Variants in SCNN1B observed in about 807,000 individuals in gnomAD.
SCNN1B encodes sodium channel epithelial 1 subunit beta.
Under a neutral mutation model 65.3 loss-of-function variants are expected in SCNN1B, and 46 were observed. The observed-to-expected ratio is 0.70, with a 90% CI of 0.56 to 0.90. The LOEUF is 0.90. Among genes scored for constraint, SCNN1B ranks in the 40% least tolerant of loss-of-function variants. The probability of loss-of-function intolerance (pLI) is 0.00; values close to 1 mark genes in which losing one functional copy is unlikely to be tolerated. For missense variants in SCNN1B, 751 were observed against 830.5 expected, an observed-to-expected ratio of 0.90 and a Z score of 1.18; for synonymous variants, 349 against 330.6, an observed-to-expected ratio of 1.06 and a Z score of -0.60.
intron 2 of SCNN1B, among the ~76,000 whole-genome samples, chr16:23,352,438 G>C (rs1383390854): frequency 1.3e-5 from 2 of 152,194 alleles, no homozygotes; most frequent in South Asian, 2.1e-4. Context: ...TGGGTGATTA[G>C]ATCATACGGG....
At chr16:23,301,359 CAA>C (rs369302758), upstream of SCNN1B, among the ~76,000 whole-genome samples, 1 of 120,414 alleles carries the variant, frequency 8.3e-6, no homozygotes, top group East Asian at 2.3e-4. Context: ...GAGACTCTGT[CAA>C]AAAAAAAAGA....
chr16:23,304,071 C>A (rs751212945), intron 1 of SCNN1B: 6 of 1,535,806 alleles, frequency 3.9e-6, no homozygotes, highest in Admixed American at 2.0e-5. Context: ...TAATGCCTAC[C>A]GATGGGAATT....
chr16:23,327,083 A>C (rs374191320), intron 1 of SCNN1B, among the ~76,000 whole-genome samples: 159 of 151,782 alleles, frequency 1.0e-3, no homozygotes, highest in African/African-American at 3.7e-3. Flanking sequence ...TGCTCAGCTA[A>C]CGTTTTTATT....
intron 4 of SCNN1B, among the ~76,000 whole-genome samples, chr16:23,360,585 G>C (rs1350521597): frequency 7.1e-6 from 1 of 140,654 alleles, no homozygotes; most frequent in Non-Finnish European, 1.5e-5. Context: ...GTTGGTGGTG[G>C]TGGTGGTTTT....
intron 6 of SCNN1B, 71 bp downstream of exon 6, chr16:23,371,533 C>A: frequency 6.7e-7 from 1 of 1,492,908 alleles, no homozygotes; most frequent in South Asian, 1.2e-5. Flanking sequence ...GGCCAACTGC[C>A]CTTGGCCTGG....
chr16:23,316,398 TC>T (rs1961464861), intron 1 of SCNN1B, among the ~76,000 whole-genome samples: 1 of 119,114 alleles, frequency 8.4e-6, no homozygotes, highest in African/African-American at 4.4e-5. Flanking sequence ...ATCACCATCA[TC>T]ATCATCACCA....
intron 1 of SCNN1B, among the ~76,000 whole-genome samples, chr16:23,341,576 A>G (rs1962055887): frequency 6.6e-6 from 1 of 152,236 alleles, no homozygotes; most frequent in African/African-American, 2.4e-5. Flanking sequence ...GGACTTGTGT[A>G]TAGAATATAT....
rs13306627 is a variant in SCNN1B at position 23,380,572 on chromosome 16, G to A, written c.1694G>A (p.Arg565Gln). The A allele has an allele frequency of 1.9e-4, 312 of 1,614,042 alleles. No individual in the cohort carries two copies. The highest frequency in any genetic ancestry group is 8.5e-4 in the East Asian group (38 of 44,892). ...GCCTTGGCCAAGAGCCTACGGCAGC[G>A]GCGAGCCCAAGCCAGCTACGCTGGC... is the stretch of plus-strand genomic sequence containing the variant. ...LVALAKSLRQ[R>Q]RAQASYAGPP... The change falls in exon 13 of 13, where the codon CGG becomes CAG. Residue 565 changes from arginine to glutamine, a missense_variant. Coordinates refer to ENST00000343070, the MANE Select transcript of SCNN1B (RefSeq NM_000336.3). This position sits in a 1 kb window ranked among gnomAD's most constrained non-coding sequence, Gnocchi z 5.4.
chr16:23,303,981 C>A, intron 1 of SCNN1B: 1 of 1,089,216 alleles, frequency 9.2e-7, no homozygotes, highest in Non-Finnish European at 1.4e-6. Flanking sequence ...AACTTGAGCC[C>A]TCTCATCACC....
Position 23,380,336 on chromosome 16 carries a change from A to G in SCNN1B, c.1543-85A>G. ...GGTCACCCCCTCCCGTTCCCACCCA[A>G]GAATCACCTCCCAGGAAGCTGTGAG... On this transcript the variant is annotated intron_variant, in intron 12 of 12. Transcript: ENST00000343070. This position sits in a 1 kb window ranked among gnomAD's most constrained non-coding sequence, Gnocchi z 5.4. 6.2e-7 allele frequency: 1 copy of G among 1,607,588 alleles called. No individual in the cohort carries two copies. The highest frequency in any genetic ancestry group is 8.5e-7 in the Non-Finnish European group (1 of 1,175,834).
At chr16:23,288,516 G>C (rs1376955700) in intron 2 of SCNN1B, among the ~76,000 whole-genome samples, 1 of 152,148 alleles carries the variant, frequency 6.6e-6, no homozygotes, top group Non-Finnish European at 1.5e-5. Context: ...CAAGGTGTCT[G>C]CTGGGGCCAG....
Position 23,378,594 on chromosome 16 carries a change from C to T in SCNN1B, c.1405-112C>T, listed in dbSNP as rs34883064. Reference sequence around the variant, plus strand: ...CTCCTCATCCAAATTGTGATTCCCCCGGGGGCCTCAGGAAGGGACAGGGCT... The same window carrying T: ...CTCCTCATCCAAATTGTGATTCCCCTGGGGGCCTCAGGAAGGGACAGGGCT... On this transcript the variant is annotated intron_variant, in intron 10 of 12. Coordinates refer to ENST00000343070, the MANE Select transcript of SCNN1B (RefSeq NM_000336.3). 675 of 915,396 alleles carry T rather than the reference C, an allele frequency of 7.4e-4. 2 individuals are homozygous for T. The highest frequency in any genetic ancestry group is 3.4e-3 in the South Asian group (248 of 74,014). 56.7% of individuals were successfully genotyped at this position (915,396 alleles called of 1,614,324 possible). A position where few individuals can be genotyped will look rare whatever the true frequency, so the allele number is the denominator to read the frequency against.
chr16:23,327,201 G>T (rs998945596), intron 1 of SCNN1B, among the ~76,000 whole-genome samples: 2 of 152,118 alleles, frequency 1.3e-5, no homozygotes, highest in Non-Finnish European at 2.9e-5. Flanking sequence ...ACAGACAGGA[G>T]CCACCATGCC....
intron 7 of SCNN1B, among the ~76,000 whole-genome samples, chr16:23,373,869 A>G (rs1567317282): frequency 6.6e-6 from 1 of 152,152 alleles, no homozygotes; most frequent in Non-Finnish European, 1.5e-5. Flanking sequence ...GGAGGTGGGA[A>G]ACACGGAGAA....
At chr16:23,290,516 C>T (rs1025804115) in intron 2 of SCNN1B, among the ~76,000 whole-genome samples, 3 of 152,134 alleles carry the variant, frequency 2.0e-5, no homozygotes, top group Admixed American at 1.3e-4. Context: ...CTACGTTGCC[C>T]AGGCTGTTCT....
At position 23,307,562 on chromosome 16, in the gene SCNN1B, T is replaced by G. The variant is rs112685705; in HGVS notation, c.-9+5125T>G. Among the ~76,000 whole-genome samples, 6 of 152,216 alleles carry G rather than the reference T, an allele frequency of 3.9e-5. 1 individual carries two copies. Among genetic ancestry groups the G allele is most frequent in the African/African-American group, 1.4e-4 (6 of 41,556 alleles). ...CTCGAACTCCTGACCTCAGGTGATCTGCCCACCTCGGACTCCCAAAGTGCT... is the reference window on the plus strand; with the variant it reads ...CTCGAACTCCTGACCTCAGGTGATCGGCCCACCTCGGACTCCCAAAGTGCT... On this transcript the variant is annotated intron_variant, in intron 1 of 12. Transcript: ENST00000343070.
At chr16:23,284,702 G>A (rs1299175482) in intron 2 of SCNN1B, among the ~76,000 whole-genome samples, 1 of 152,216 alleles carries the variant, frequency 6.6e-6, no homozygotes, top group Non-Finnish European at 1.5e-5. Flanking sequence ...AGGGAGAGGT[G>A]AGGACCATGT....
chr16:23,324,188 CTT>C (rs780078926), intron 1 of SCNN1B, among the ~76,000 whole-genome samples: 63 of 137,334 alleles, frequency 4.6e-4, no homozygotes, highest in African/African-American at 5.4e-4. Context: ...CAAAAGCTCA[CTT>C]TTTTTTTTTT....
Position 23,380,979 on chromosome 16 carries a change from T to C in SCNN1B, c.*178T>C. Reference sequence around the variant, plus strand: ...GGTCCGTTACTGGCCAAGGGCTCTGTAGAATCACGGTGCTGGTACAGGATG... The same window carrying C: ...GGTCCGTTACTGGCCAAGGGCTCTGCAGAATCACGGTGCTGGTACAGGATG... On this transcript the variant is annotated 3_prime_UTR_variant, in exon 13 of 13. Transcript: ENST00000343070. This position sits in a 1 kb window ranked among gnomAD's most constrained non-coding sequence, Gnocchi z 5.4. 4.2e-6 allele frequency: 3 copies of C among 720,664 alleles called. No homozygotes were observed. The highest frequency in any genetic ancestry group is 7.5e-6 in the Non-Finnish European group (3 of 402,412). 44.6% of individuals were successfully genotyped at this position (720,664 alleles called of 1,614,324 possible). A position where few individuals can be genotyped will look rare whatever the true frequency, so the allele number is the denominator to read the frequency against.
Sources: allele counts gnomAD v4.1 joint callset (sites outside exome capture counted in the v4.1 genomes callset), GRCh38; gene constraint gnomAD v4.1.1; non-coding constraint Gnocchi (gnomAD v3.1); transcripts MANE v1.5; gene names NCBI Gene and HGNC (gene_info 2026-07-23, HGNC 2026-07-21).